HIP1: variants seen among roughly 807,000 people sequenced by gnomAD.
The protein encoded by HIP1 is huntingtin-interacting protein 1.
Under a neutral mutation model 147.6 loss-of-function variants are expected in HIP1, and 65 were observed. The ratio of observed to expected loss-of-function variants is 0.44; its 90% CI spans 0.36 to 0.54. The LOEUF is 0.54. Ranked by LOEUF, HIP1 falls within the 20% of genes least tolerant of loss-of-function variation. The probability of loss-of-function intolerance (pLI) is 0.00; values close to 1 mark genes in which losing one functional copy is unlikely to be tolerated. For missense variants in HIP1, 1,061 were observed against 1,299.6 expected (o/e 0.82, Z 2.82); for synonymous variants, 479 against 504.0 (o/e 0.95, Z 0.67).
At chr7:75,586,540 C>G (rs1335945224) in intron 5 of HIP1, among the ~76,000 whole-genome samples, 1 of 152,116 alleles carries the variant, frequency 6.6e-6, no homozygotes, top group Admixed American at 6.6e-5. Flanking sequence ...ACAAAGGGTG[C>G]AGAAGACACG....
chr7:75,608,948 A>G (rs587706590), intron 1 of HIP1, among the ~76,000 whole-genome samples: 1 of 152,300 alleles, frequency 6.6e-6, no homozygotes, highest in African/African-American at 2.4e-5. Flanking sequence ...CATGACACAA[A>G]TGACCCTCTG....
intron 1 of HIP1, among the ~76,000 whole-genome samples, chr7:75,682,167 C>A (rs1221665280): frequency 2.7e-5 from 4 of 148,768 alleles, no homozygotes; most frequent in Non-Finnish European, 5.9e-5. Flanking sequence ...CCGTCTTGGC[C>A]AGGTTGGTCT....
At chr7:75,578,783 T>A (rs1280855206) in intron 7 of HIP1, among the ~76,000 whole-genome samples, 1 of 152,194 alleles carries the variant, frequency 6.6e-6, no homozygotes, top group Non-Finnish European at 1.5e-5. Flanking sequence ...GCCACAACAA[T>A]GTATACTTGT....
chr7:75,563,360 C>T lies in HIP1; in HGVS notation c.804-97G>A, dbSNP rs1429628451. On this transcript the variant is annotated intron_variant, in intron 9 of 30. Coordinates refer to ENST00000336926, the MANE Select transcript of HIP1 (RefSeq NM_005338.7). ...CTGGCTTTCCTGCCCCCTCCCCAGC[C>T]CAAAGGCACAGGCTGTCAAGGAGAT... The T allele has an allele frequency of 6.1e-6, 6 of 988,320 alleles. No individual in the cohort carries two copies. In the East Asian group the frequency reaches 1.5e-4, roughly 24 times the overall value. 61.2% of individuals were successfully genotyped at this position (988,320 alleles called of 1,614,324 possible).
At chr7:75,554,292 T>TTATGAGTTGCCTACATGCCTTTCTTG (rs587773320) in intron 20 of HIP1, 72 bp from the exon 21 acceptor site, 2 of 1,384,706 alleles carry the variant, frequency 1.4e-6, no homozygotes, top group Admixed American at 1.8e-5. Context: ...TCCTCCCGTT[T>TTATGAGTTGCCTACATGCCTTTCTTG]TATGAGTTGC....
intron 4 of HIP1, 77 bp downstream of exon 4, chr7:75,591,979 C>T: frequency 8.7e-7 from 1 of 1,143,754 alleles, no homozygotes; most frequent in Non-Finnish European, 1.3e-6. Flanking sequence ...ATTTATTTCA[C>T]CCTCCAGTCC....
chr7:75,706,484 T>TA lies in HIP1; in HGVS notation c.120+32316_120+32317insT, dbSNP rs1172207740. 1.1e-3 allele frequency among the ~76,000 whole-genome samples: 156 copies of TA among 145,372 alleles called. 4 individuals carry two copies. Among genetic ancestry groups the TA allele is most frequent in the African/African-American group, 2.9e-3 (115 of 39,512 alleles). On this transcript the variant is annotated intron_variant, in intron 1 of 30. Transcript: ENST00000336926. Reference sequence around the variant, plus strand: ...TTTGTATATATCTTCTTTTTTTTTATTTTTTTTTTATTTTTTTATTTTTTA... The same window carrying TA: ...TTTGTATATATCTTCTTTTTTTTTATATTTTTTTTTATTTTTTTATTTTTTA...
At chr7:75,558,813 G>A (rs1350630709) in intron 14 of HIP1, among the ~76,000 whole-genome samples, 3 of 152,138 alleles carry the variant, frequency 2.0e-5, no homozygotes, top group Non-Finnish European at 4.4e-5. Context: ...GAGGTCAGGA[G>A]TTCAAGACCA....
chr7:75,583,756 TTGTGTGTGTGTGTGTGTG>T (rs60640180), intron 5 of HIP1, among the ~76,000 whole-genome samples: 38 of 115,518 alleles, frequency 3.3e-4, no homozygotes, highest in Admixed American at 1.1e-3. Flanking sequence ...GCGGGCTAAT[TTGTGTGTGTGTGTGTGTG>T]TGTGTGTGTG....
At chr7:75,645,774 A>G (rs1297195271) in intron 1 of HIP1, among the ~76,000 whole-genome samples, 1 of 152,236 alleles carries the variant, frequency 6.6e-6, no homozygotes, top group Non-Finnish European at 1.5e-5. Context: ...AAAGAATGAA[A>G]TCGTGTCCTT....
At chr7:75,654,320 G>C (rs1288191924) in intron 1 of HIP1, 6 of 152,242 alleles carry the variant, frequency 3.9e-5, no homozygotes, top group African/African-American at 1.4e-4. Context: ...ACTTGAACCC[G>C]GGAGGCGGAG....
chr7:75,681,003 C>T (rs1800046188), intron 1 of HIP1, among the ~76,000 whole-genome samples: 1 of 152,090 alleles, frequency 6.6e-6, no homozygotes, highest in Non-Finnish European at 1.5e-5. Context: ...GTCTCAATCC[C>T]CTGACCTCCT....
In HIP1 at chr7:75,556,170, C is replaced by T. The variant is rs782387175; in HGVS notation, c.1684-1G>A. 6.2e-7 allele frequency: 1 copy of T among 1,613,812 alleles called. No homozygotes were observed. Among genetic ancestry groups the T allele is most frequent in the Admixed American group, 1.7e-5 (1 of 59,986 alleles). On this transcript the variant is annotated splice_acceptor_variant, in intron 17 of 30. Coordinates refer to ENST00000336926, the MANE Select transcript of HIP1 (RefSeq NM_005338.7). LOFTEE classifies it high-confidence loss of function. Reference sequence around the variant, plus strand: ...ACTCGGCTGCCCAGTTTGCTTCTGACTGCAAAGGTGACCACAAGGAAAGAG... The same window carrying T: ...ACTCGGCTGCCCAGTTTGCTTCTGATTGCAAAGGTGACCACAAGGAAAGAG...
chr7:75,615,690 T>C (rs943558416), intron 1 of HIP1, among the ~76,000 whole-genome samples: 1 of 152,112 alleles, frequency 6.6e-6, no homozygotes, highest in South Asian at 2.1e-4. Context: ...GGAGGATCGA[T>C]TGAGCCCAGG....
chr7:75,706,417 T>C (rs1364843911), intron 1 of HIP1, among the ~76,000 whole-genome samples: 1 of 151,834 alleles, frequency 6.6e-6, no homozygotes, highest in African/African-American at 2.4e-5. Flanking sequence ...ATTTTCCTAA[T>C]GATTAATGAT....
intron 20 of HIP1, 29 bp downstream of exon 20, chr7:75,554,411 C>A (rs116740028): frequency 6.3e-7 from 1 of 1,577,912 alleles, no homozygotes; most frequent in African/African-American, 1.3e-5. Flanking sequence ...CATCACTAGC[C>A]GACAGAGACT....
chr7:75,548,952 A>G lies in HIP1; in HGVS notation c.2345T>C (p.Leu782Pro), dbSNP rs1794673925. Residue 782 changes from leucine to proline, a missense_variant, in exon 23 of 31, where the codon CTG becomes CCG. Around this residue, in one of 3 missense-constraint regions of HIP1, gnomAD observed 810 missense variants for 946.8 expected, o/e 0.86. Transcript: ENST00000336926. ...LDIKQEELGD[L>P]VDKEMAATSA... ...AGTGGCCGCCATCTCCTTGTCCACC[A>G]GGTCCCCCAGCTCCTCCTGCTTGAT... 6.2e-7 allele frequency: 1 copy of G among 1,614,066 alleles called. No individual in the cohort carries two copies. The highest frequency in any genetic ancestry group is 8.5e-7 in the Non-Finnish European group (1 of 1,179,970).
At chr7:75,577,679 G>A (rs782398854) in intron 7 of HIP1, among the ~76,000 whole-genome samples, 3 of 152,166 alleles carry the variant, frequency 2.0e-5, no homozygotes, top group Non-Finnish European at 2.9e-5. Flanking sequence ...GCATCTCGTG[G>A]TAACAATATT....
intron 1 of HIP1, among the ~76,000 whole-genome samples, chr7:75,650,304 C>A (rs1428260001): frequency 6.6e-6 from 1 of 152,074 alleles, no homozygotes; most frequent in Admixed American, 6.6e-5. Flanking sequence ...GAGCTCTCTG[C>A]CCCTGCCCGC....
Sources: allele counts gnomAD v4.1 joint callset (sites outside exome capture counted in the v4.1 genomes callset), GRCh38; gene constraint gnomAD v4.1.1; regional missense constraint gnomAD v4.1.1; transcripts MANE v1.5; gene names NCBI Gene and HGNC (gene_info 2026-07-23, HGNC 2026-07-21).